Variants in SSBP3 observed in about 807,000 individuals in gnomAD.
SSBP3 encodes the protein single stranded DNA binding protein 3, also known as single-stranded DNA-binding protein 3.
Under a neutral mutation model 69.6 loss-of-function variants are expected in SSBP3, and 5 were observed. That is an observed-to-expected ratio of 0.07 (90% CI 0.04 to 0.15). The LOEUF (loss-of-function observed/expected upper bound fraction) is 0.15, where lower values mean the gene tolerates loss of function less well. Among genes scored for constraint, SSBP3 ranks in the 10% least tolerant of loss-of-function variants. SSBP3 has a pLI of 1.00. For synonymous variants in SSBP3, 196 were observed against 193.4 expected (o/e 1.01, Z -0.11); for missense variants, 312 against 534.0 (o/e 0.58, Z 4.10).
Position 54,251,709 on chromosome 1 carries a change from G to A in SSBP3, c.575-17C>T. Reference sequence around the variant, plus strand: ...TGGGGTGGCCTGCGTGAGAGAGGAGGCGCGTCATGGGATGGCAGGAGTGGA... The same window carrying A: ...TGGGGTGGCCTGCGTGAGAGAGGAGACGCGTCATGGGATGGCAGGAGTGGA... On this transcript the variant is annotated splice_polypyrimidine_tract_variant and intron_variant, in intron 8 of 17. Transcript: ENST00000610401. 1 of 1,569,150 alleles carries A rather than the reference G, an allele frequency of 6.4e-7. No individual in the cohort carries two copies. Among genetic ancestry groups the A allele is most frequent in the Non-Finnish European group, 8.7e-7 (1 of 1,155,202 alleles).
chr1:54,374,258 C>G (rs567135007), intron 4 of SSBP3, among the ~76,000 whole-genome samples: 1 of 152,314 alleles, frequency 6.6e-6, no homozygotes, highest in South Asian at 2.1e-4. Flanking sequence ...TGTTGGGGAT[C>G]CAGAGACTGG....
At chr1:54,301,638 T>C (rs6687285) in intron 4 of SSBP3, among the ~76,000 whole-genome samples, 131,504 of 152,228 alleles carry the variant, frequency 0.86, 56,970 homozygotes, top group African/African-American at 0.93. Flanking sequence ...GAAGAACAAA[T>C]GGGAAGGGGG....
intron 6 of SSBP3, 154 bp from the exon 7 acceptor site, chr1:54,257,340 C>G: frequency 3.3e-6 from 2 of 601,238 alleles, no homozygotes; most frequent in Non-Finnish European, 2.8e-6. Context: ...AGCAAAACTT[C>G]CTTTGGGCAG....
chr1:54,327,224 G>GGAAA (rs1646323252), intron 4 of SSBP3, among the ~76,000 whole-genome samples: 1 of 81,356 alleles, frequency 1.2e-5, no homozygotes, highest in African/African-American at 3.5e-5. Flanking sequence ...GGAAAAGGAA[G>GGAAA]GAAGGAAGGA....
At chr1:54,251,585 G>C in intron 9 of SSBP3, 31 bp downstream of exon 9, 1 of 1,549,160 alleles carries the variant, frequency 6.5e-7, no homozygotes, top group Middle Eastern at 1.8e-4. Context: ...AGATGGCCAG[G>C]GAGACGGACG....
intron 13 of SSBP3, 40 bp downstream of exon 13, chr1:54,240,865 C>T (rs764089181): frequency 6.2e-7 from 1 of 1,612,938 alleles, no homozygotes; most frequent in East Asian, 2.2e-5. Context: ...GCCCCACCCT[C>T]CACCACCAGA....
intron 4 of SSBP3, among the ~76,000 whole-genome samples, chr1:54,344,456 T>C (rs1257189623): frequency 6.6e-6 from 1 of 152,150 alleles, no homozygotes; most frequent in Non-Finnish European, 1.5e-5. Flanking sequence ...AGAAAAGGTA[T>C]CATTTTGGGA....
At chr1:54,241,376 A>C (rs1255211329) in intron 12 of SSBP3, 98 bp downstream of exon 12, 2 of 1,297,832 alleles carry the variant, frequency 1.5e-6, no homozygotes, top group Non-Finnish European at 2.2e-6. Flanking sequence ...GCTCAGAAGA[A>C]TGTGTGAAAG....
At chr1:54,318,447 T>TC (rs1646153841) in intron 4 of SSBP3, among the ~76,000 whole-genome samples, 1 of 152,170 alleles carries the variant, frequency 6.6e-6, no homozygotes, top group African/African-American at 2.4e-5. Flanking sequence ...GTTTTTTTTT[T>TC]CTTCTTAAAT....
intron 4 of SSBP3, among the ~76,000 whole-genome samples, chr1:54,294,956 C>A (rs115558627): frequency 0.014 from 2,111 of 152,238 alleles, 47 homozygotes; most frequent in African/African-American, 0.048. Context: ...AGCAGAGGCT[C>A]CTCCACCAAA....
chr1:54,353,846 C>A (rs1646821469), intron 4 of SSBP3, among the ~76,000 whole-genome samples: 1 of 152,224 alleles, frequency 6.6e-6, no homozygotes, highest in Non-Finnish European at 1.5e-5. Context: ...ATAGACTCTG[C>A]TGAGATCTCT....
rs139904324 is a variant in SSBP3 at position 54,380,251 on chromosome 1, G to A, written c.276+21610C>T. On this transcript the variant is annotated intron_variant, in intron 4 of 17. Transcript: ENST00000610401. ...ATTGACTCGCTCTGTGGTCTGGACAGGCTAAGTCACACACCCCCTCCTTTT... is the reference window on the plus strand; with the variant it reads ...ATTGACTCGCTCTGTGGTCTGGACAAGCTAAGTCACACACCCCCTCCTTTT... 5.4e-3 allele frequency among the ~76,000 whole-genome samples: 829 copies of A among 152,266 alleles called. 5 individuals are homozygous for A. Among genetic ancestry groups the A allele is most frequent in the African/African-American group, 0.019 (784 of 41,548 alleles).
rs185735230 is a variant in SSBP3 at position 54,374,093 on chromosome 1, G to A, written c.276+27768C>T. Among the ~76,000 whole-genome samples, 4 of 152,374 alleles carry A rather than the reference G, an allele frequency of 2.6e-5. No homozygotes were observed. The East Asian group carries it at 7.7e-4, about 29-fold the overall frequency. Reference sequence around the variant, plus strand: ...GGGCTCAAAGAGCCCAATGGGCACTGGCTGGAAGCCTGTCTTTGAGAATGG... The same window carrying A: ...GGGCTCAAAGAGCCCAATGGGCACTAGCTGGAAGCCTGTCTTTGAGAATGG... On this transcript the variant is annotated intron_variant, in intron 4 of 17. Transcript: ENST00000610401.
chr1:54,372,223 C>T (rs1356509424), intron 4 of SSBP3, among the ~76,000 whole-genome samples: 1 of 152,214 alleles, frequency 6.6e-6, no homozygotes, highest in African/African-American at 2.4e-5. Context: ...GTAATACCTG[C>T]CTTGCAGGGT....
intron 4 of SSBP3, chr1:54,286,604 A>G (rs1294375317): frequency 1.3e-5 from 2 of 152,476 alleles, no homozygotes; most frequent in African/African-American, 2.4e-5. Context: ...CGGGACAGAC[A>G]CATGCCACTG....
Position 54,404,699 on chromosome 1 carries a change from C to T in SSBP3, c.130-62G>A, listed in dbSNP as rs996653295. The T allele has an allele frequency of 1.1e-4, 169 of 1,594,392 alleles. 3 individuals are homozygous for T. In the South Asian group the frequency reaches 1.8e-3, roughly 17 times the overall value. ...GAGACGGGGTGGGCTGGGGGCTTCC[C>T]AGAGCCAAAAGGCTAGGAAGACCAA... On this transcript the variant is annotated intron_variant, in intron 2 of 17. Coordinates refer to ENST00000610401, the Ensembl canonical transcript of SSBP3.
intron 4 of SSBP3, among the ~76,000 whole-genome samples, chr1:54,295,393 T>C (rs1288060298): frequency 6.6e-6 from 1 of 152,178 alleles, no homozygotes; most frequent in Non-Finnish European, 1.5e-5. Flanking sequence ...TCCAAGTGGG[T>C]ACTAAAGTCC....
chr1:54,349,327 T>A (rs527428407), intron 4 of SSBP3, among the ~76,000 whole-genome samples: 1 of 152,192 alleles, frequency 6.6e-6, no homozygotes, highest in African/African-American at 2.4e-5. Flanking sequence ...CCTACAGCGG[T>A]GCCTGGCACA....
At chr1:54,273,775 C>T (rs1645236837) in intron 5 of SSBP3, among the ~76,000 whole-genome samples, 1 of 152,200 alleles carries the variant, frequency 6.6e-6, no homozygotes, top group African/African-American at 2.4e-5. Context: ...GGCTGGTATC[C>T]CAGAGTGTCC....
Sources: allele counts gnomAD v4.1 joint callset (sites outside exome capture counted in the v4.1 genomes callset), GRCh38; gene constraint gnomAD v4.1.1; transcripts MANE v1.5; gene names NCBI Gene and HGNC (gene_info 2026-07-23, HGNC 2026-07-21).